Variants in RBFOX1 observed in about 807,000 individuals in gnomAD.
RBFOX1 encodes RNA binding fox-1 homolog 1.
A neutral mutation model predicts 57.7 loss-of-function variants in RBFOX1; 8 were observed. The observed-to-expected ratio is 0.14, with a 90% CI of 0.08 to 0.25. The LOEUF (loss-of-function observed/expected upper bound fraction) is 0.25. RBFOX1 is among the 10% of genes least tolerant of loss of function. The pLI is 1.00. For synonymous variants in RBFOX1, 326 were observed against 222.4 expected (o/e 1.47, Z -4.15); for missense variants, 611 against 548.5 (o/e 1.11, Z -1.14).
At chr16:6,407,491 G>T (rs895064372) in intron 2 of RBFOX1, among the ~76,000 whole-genome samples, 1 of 151,528 alleles carries the variant, frequency 6.6e-6, no homozygotes, top group East Asian at 1.9e-4. Context: ...CATATATATA[G>T]AGAGAGGCAG....
At chr16:7,100,700 T>C (rs555504217) in intron 4 of RBFOX1, among the ~76,000 whole-genome samples, 62 of 151,826 alleles carry the variant, frequency 4.1e-4, no homozygotes, top group African/African-American at 1.5e-3. Context: ...ACTTTAAAAA[T>C]GTACAAAATG....
intron 4 of RBFOX1, among the ~76,000 whole-genome samples, chr16:5,910,821 G>A (rs1217628326): frequency 6.6e-6 from 1 of 152,172 alleles, no homozygotes; most frequent in Non-Finnish European, 1.5e-5. Context: ...CAGGCTGGAA[G>A]TGCTGGCAGA....
At chr16:6,900,309 C>G (rs558372734) in intron 3 of RBFOX1, among the ~76,000 whole-genome samples, 6 of 152,278 alleles carry the variant, frequency 3.9e-5, no homozygotes, top group East Asian at 1.9e-4. Context: ...ATATCCTGTT[C>G]CAAGTTGCCA....
chr16:6,779,670 AG>A (rs1196301916), intron 3 of RBFOX1, among the ~76,000 whole-genome samples: 1 of 137,638 alleles, frequency 7.3e-6, no homozygotes, highest in Non-Finnish European at 1.5e-5. Flanking sequence ...TATCCTTACC[AG>A]CATTCATTAT....
intron 5 of RBFOX1, among the ~76,000 whole-genome samples, chr16:7,579,360 C>T (rs2093577383): frequency 1.3e-5 from 2 of 152,138 alleles, no homozygotes; most frequent in African/African-American, 2.4e-5. Context: ...TACACACTGT[C>T]CTGCCTTTAA....
intron 13 of RBFOX1, among the ~76,000 whole-genome samples, chr16:7,675,056 G>C (rs888112694): frequency 6.6e-6 from 1 of 152,124 alleles, no homozygotes; most frequent in Non-Finnish European, 1.5e-5. Context: ...CTTTAAGCCT[G>C]TTGCAGCTAA....
intron 2 of RBFOX1, among the ~76,000 whole-genome samples, chr16:6,450,013 G>A (rs1483502538): frequency 6.6e-6 from 1 of 152,130 alleles, no homozygotes; most frequent in Admixed American, 6.5e-5. Flanking sequence ...GCTTTTATTG[G>A]ATTGCAATTT....
rs190045327 is a variant in RBFOX1, at chr16:6,149,225, G to A, written c.-127+129233G>A. ...TGTGTGTGTATGTGTGTGTGTGCGC[G>A]CGCGTGCGCGGATGTGTGTGGCTGC... On this transcript the variant is annotated intron_variant, in intron 1 of 15. Transcript: ENST00000550418. Among the ~76,000 whole-genome samples, 49 of 152,354 alleles carry A rather than the reference G, an allele frequency of 3.2e-4. No individual in the cohort carries two copies. In the East Asian group the frequency reaches 7.0e-3, roughly 22 times the overall value.
chr16:7,507,205 A>G (rs1286248923), intron 4 of RBFOX1, among the ~76,000 whole-genome samples: 1 of 152,210 alleles, frequency 6.6e-6, no homozygotes, highest in Admixed American at 6.5e-5. Flanking sequence ...GGCCTATCAT[A>G]GTGTTTTTCC....
intron 14 of RBFOX1, among the ~76,000 whole-genome samples, chr16:7,707,827 C>T (rs768908968): frequency 6.6e-6 from 1 of 152,122 alleles, no homozygotes; most frequent in Non-Finnish European, 1.5e-5. Context: ...TTTTTTTCCC[C>T]TTGCTCTGAC....
At chr16:7,411,059 C>A (rs766697509) in intron 4 of RBFOX1, among the ~76,000 whole-genome samples, 1 of 152,130 alleles carries the variant, frequency 6.6e-6, no homozygotes, top group Non-Finnish European at 1.5e-5. Flanking sequence ...AATTCTTGTG[C>A]CTCAGCGTAC....
At chr16:5,348,386 C>T (rs2065190584) in intron 1 of RBFOX1, among the ~76,000 whole-genome samples, 1 of 152,286 alleles carries the variant, frequency 6.6e-6, no homozygotes, top group East Asian at 1.9e-4. Flanking sequence ...TACATACTAC[C>T]TACTGTGTTA....
intron 2 of RBFOX1, among the ~76,000 whole-genome samples, chr16:5,516,256 G>C (rs1050536770): frequency 6.6e-6 from 1 of 152,062 alleles, no homozygotes; most frequent in African/African-American, 2.4e-5. Flanking sequence ...ATCACTTTCT[G>C]TCTCCCATTA....
intron 4 of RBFOX1, among the ~76,000 whole-genome samples, chr16:5,923,543 T>A (rs942785250): frequency 7.9e-6 from 1 of 125,812 alleles, no homozygotes; most frequent in Non-Finnish European, 1.7e-5. Flanking sequence ...TTTTTTTTTT[T>A]TTTTTTTCTT....
intron 3 of RBFOX1, among the ~76,000 whole-genome samples, chr16:6,730,065 A>G (rs966273229): frequency 1.1e-4 from 16 of 152,168 alleles, no homozygotes; most frequent in Non-Finnish European, 7.4e-5. Context: ...TGTTCTTTAT[A>G]TATTCCCAGG....
intron 4 of RBFOX1, among the ~76,000 whole-genome samples, chr16:7,183,264 A>G (rs2083083550): frequency 1.3e-5 from 2 of 152,150 alleles, no homozygotes; most frequent in African/African-American, 4.8e-5. Context: ...GTGAATCACG[A>G]AAACATATTC....
At chr16:7,680,928 C>G (rs907178298) in intron 14 of RBFOX1, among the ~76,000 whole-genome samples, 23 of 152,174 alleles carry the variant, frequency 1.5e-4, no homozygotes, top group African/African-American at 5.5e-4. Context: ...TCACTTGTGC[C>G]TTGGGGCCTC....
At chr16:6,075,424 G>A (rs975637048) in intron 1 of RBFOX1, among the ~76,000 whole-genome samples, 4 of 152,114 alleles carry the variant, frequency 2.6e-5, no homozygotes, top group African/African-American at 9.7e-5. Context: ...ACAATACAGA[G>A]AAAAAGCCAT....
intron 1 of RBFOX1, among the ~76,000 whole-genome samples, chr16:6,217,751 G>A (rs1037922707): frequency 8.6e-5 from 13 of 151,914 alleles, no homozygotes; most frequent in Non-Finnish European, 1.6e-4. Context: ...ACAGTGGCTC[G>A]TGCCTGTAAT....
Sources: allele counts gnomAD v4.1 joint callset (sites outside exome capture counted in the v4.1 genomes callset), GRCh38; gene constraint gnomAD v4.1.1; transcripts MANE v1.5; gene names NCBI Gene and HGNC (gene_info 2026-07-23, HGNC 2026-07-21).